The following TENM2 variants were observed in gnomAD, a reference collection of about 807,000 sequenced individuals.
TENM2 encodes the protein teneurin transmembrane protein 2.
A neutral mutation model predicts 245.2 loss-of-function variants in TENM2; 52 were observed. The ratio of observed to expected loss-of-function variants is 0.21; its 90% CI spans 0.17 to 0.27. TENM2 has a LOEUF of 0.27. TENM2 is among the 10% of genes least tolerant of loss of function. The pLI, the probability that TENM2 is intolerant of heterozygous loss-of-function variation, is 1.00. For missense variants in TENM2, 3,046 were observed against 3,666.8 expected, an observed-to-expected ratio of 0.83 and a Z score of 4.37; for synonymous variants, 1,363 against 1,438.9, an observed-to-expected ratio of 0.95 and a Z score of 1.19.
intron 2 of TENM2, among the ~76,000 whole-genome samples, chr5:167,588,503 T>G (rs1775658222): frequency 6.6e-6 from 1 of 152,246 alleles, no homozygotes; most frequent in Admixed American, 6.5e-5. Context: ...CCAAATGAAT[T>G]GATATGAATA....
chr5:167,531,610 T>A (rs1771506939), intron 2 of TENM2, among the ~76,000 whole-genome samples: 2 of 152,138 alleles, frequency 1.3e-5, no homozygotes. Context: ...TAACTGAAAC[T>A]TTGTACCCTT....
intron 12 of TENM2, among the ~76,000 whole-genome samples, chr5:168,145,302 T>C (rs1185333832): frequency 2.1e-5 from 3 of 146,098 alleles, no homozygotes; most frequent in African/African-American, 7.6e-5. Context: ...TCTAGGGTTT[T>C]TATGGTTTTA....
At chr5:168,173,959 G>A (rs1759095493) in intron 13 of TENM2, among the ~76,000 whole-genome samples, 2 of 152,182 alleles carry the variant, frequency 1.3e-5, no homozygotes, top group South Asian at 2.1e-4. Context: ...GCCTGTGTGG[G>A]GACCTCTGAG....
chr5:167,687,822 A>G (rs1757174868), intron 2 of TENM2, among the ~76,000 whole-genome samples: 1 of 152,168 alleles, frequency 6.6e-6, no homozygotes, highest in South Asian at 2.1e-4. Context: ...GTGAGAAAAC[A>G]TTAGAATAAA....
chr5:167,228,922 G>C, the TENM2 span, among the ~76,000 whole-genome samples: 2 of 152,148 alleles, frequency 1.3e-5, no homozygotes, highest in African/African-American at 4.8e-5. Flanking sequence ...GGATGGTCTC[G>C]ATCTCCTGAC....
At chr5:167,928,750 G>A (rs973737917) in intron 3 of TENM2, among the ~76,000 whole-genome samples, 1 of 151,474 alleles carries the variant, frequency 6.6e-6, no homozygotes, top group African/African-American at 2.4e-5. Flanking sequence ...AAAAAAATTA[G>A]CTAGATGTGG....
chr5:167,213,679 G>A, the TENM2 span, among the ~76,000 whole-genome samples: 1 of 152,162 alleles, frequency 6.6e-6, no homozygotes, highest in Non-Finnish European at 1.5e-5. Context: ...AACCACTAAT[G>A]TAGCTTATAT....
chr5:167,109,294 AT>A, the TENM2 span, among the ~76,000 whole-genome samples: 1 of 151,744 alleles, frequency 6.6e-6, no homozygotes, highest in South Asian at 2.1e-4. Context: ...AGCAGCTCTC[AT>A]TTGATAAAAT....
intron 2 of TENM2, among the ~76,000 whole-genome samples, chr5:167,732,882 A>G (rs1760533435): frequency 6.6e-6 from 1 of 152,194 alleles, no homozygotes; most frequent in Non-Finnish European, 1.5e-5. Flanking sequence ...TGGGTATATA[A>G]GGTTACAGGT....
At chr5:168,104,005 T>C (rs1221749502) in intron 9 of TENM2, among the ~76,000 whole-genome samples, 2 of 68,718 alleles carry the variant, frequency 2.9e-5, no homozygotes, top group Non-Finnish European at 6.4e-5. Flanking sequence ...TCTTTTCTGG[T>C]TTGTTTGTTT....
At chr5:167,859,391 C>T (rs1161827617) in intron 2 of TENM2, among the ~76,000 whole-genome samples, 20 of 137,512 alleles carry the variant, frequency 1.5e-4, no homozygotes, top group African/African-American at 5.3e-4. Context: ...GGGGGGTCAG[C>T]CCCCCGCCCG....
the TENM2 span, among the ~76,000 whole-genome samples, chr5:167,263,586 TCC>T: frequency 6.6e-6 from 1 of 152,184 alleles, no homozygotes; most frequent in Non-Finnish European, 1.5e-5. Flanking sequence ...AATAAATGTG[TCC>T]TTAATCATTT....
At chr5:167,693,848 C>T (rs1268588616) in intron 2 of TENM2, among the ~76,000 whole-genome samples, 4 of 152,186 alleles carry the variant, frequency 2.6e-5, no homozygotes, top group Non-Finnish European at 5.9e-5. Flanking sequence ...GTGCCACCAT[C>T]ACTGTATATG....
At chr5:167,179,577 C>T in the TENM2 span, among the ~76,000 whole-genome samples, 3 of 152,108 alleles carry the variant, frequency 2.0e-5, no homozygotes, top group South Asian at 4.2e-4. Flanking sequence ...TTTCTTGAGC[C>T]CCACCCCCGC....
chr5:168,089,256 T>G (rs2152241332), intron 7 of TENM2, among the ~76,000 whole-genome samples: 1 of 152,314 alleles, frequency 6.6e-6, no homozygotes, highest in African/African-American at 2.4e-5. Flanking sequence ...ACTGTCCTGA[T>G]CAAACCCTTT....
intron 6 of TENM2, among the ~76,000 whole-genome samples, chr5:168,049,165 C>T (rs1246249464): frequency 6.6e-6 from 1 of 152,138 alleles, no homozygotes; most frequent in African/African-American, 2.4e-5. Flanking sequence ...GCATGGCAGG[C>T]ATCTAGTGGA....
At chr5:168,037,907 T>G (rs1458640190) in intron 5 of TENM2, among the ~76,000 whole-genome samples, 1 of 152,222 alleles carries the variant, frequency 6.6e-6, no homozygotes, top group Non-Finnish European at 1.5e-5. Flanking sequence ...ATCTTAACAG[T>G]ACCTCTGCCA....
chr5:167,031,415 G>T, the TENM2 span, among the ~76,000 whole-genome samples: 1 of 152,128 alleles, frequency 6.6e-6, no homozygotes, highest in Non-Finnish European at 1.5e-5. Context: ...GTTAGTAAAC[G>T]CAGTCATCTG....
intron 2 of TENM2, among the ~76,000 whole-genome samples, chr5:167,774,264 C>T (rs1763609523): frequency 7.5e-6 from 1 of 132,994 alleles, no homozygotes; most frequent in African/African-American, 3.2e-5. Context: ...AAAATTAATT[C>T]TCAGGTGGAG....
Sources: gnomAD v4.1 joint callset for allele counts (sites outside exome capture counted in the v4.1 genomes callset) on GRCh38, gnomAD v4.1.1 for gene constraint, MANE v1.5 for transcripts, NCBI Gene and HGNC (gene_info 2026-07-23, HGNC 2026-07-21) for gene names.